Variants in AKAP7 observed in about 807,000 individuals in gnomAD.
The protein encoded by AKAP7 is A kinase (PRKA) anchor protein 7.
A neutral mutation model predicts 39.5 loss-of-function variants in AKAP7; 39 were observed. The observed-to-expected ratio is 0.99, with a 90% CI of 0.76 to 1.29. AKAP7 has a LOEUF of 1.29. AKAP7 is among the 50% of genes most tolerant of loss of function. The pLI, the probability that AKAP7 is intolerant of heterozygous loss-of-function variation, is 0.00. For synonymous variants in AKAP7, 140 were observed against 139.1 expected (o/e 1.01, Z -0.05); for missense variants, 414 against 407.7 (o/e 1.02, Z -0.13).
intron 7 of AKAP7, chr6:131,253,073 G>C (rs766865016): frequency 2.8e-5 from 45 of 1,613,514 alleles, no homozygotes; most frequent in Non-Finnish European, 3.7e-5. Flanking sequence ...GTCCTACAGA[G>C]ATACAGCAAG....
intron 5 of AKAP7, among the ~76,000 whole-genome samples, chr6:131,178,504 C>T (rs1202870364): frequency 2.6e-5 from 4 of 152,182 alleles, no homozygotes; most frequent in Non-Finnish European, 4.4e-5. Flanking sequence ...ATCCTACACC[C>T]ATACACCACT....
chr6:131,241,627 G>GTGTGTGTA, intron 7 of AKAP7, among the ~76,000 whole-genome samples: 5 of 86,636 alleles, frequency 5.8e-5, no homozygotes, highest in African/African-American at 1.0e-4. Context: ...GTGTGTGTGT[G>GTGTGTGTA]TATATATATA....
intron 7 of AKAP7, among the ~76,000 whole-genome samples, chr6:131,230,776 A>G (rs1040573767): frequency 6.6e-6 from 1 of 152,194 alleles, no homozygotes; most frequent in Admixed American, 6.5e-5. Context: ...TAGATCAAGA[A>G]TGTAGAGTAT....
At chr6:131,193,137 G>T (rs540280387) in intron 5 of AKAP7, among the ~76,000 whole-genome samples, 111 of 152,102 alleles carry the variant, frequency 7.3e-4, no homozygotes, top group African/African-American at 2.5e-3. Flanking sequence ...GGTGAAAGTG[G>T]GTATCCTTGT....
At chr6:131,261,111 G>A (rs552258322) in intron 7 of AKAP7, among the ~76,000 whole-genome samples, 19 of 151,600 alleles carry the variant, frequency 1.3e-4, no homozygotes, top group Admixed American at 3.3e-4. Flanking sequence ...CAGGAGAATC[G>A]CTTGAACCCA....
chr6:131,206,588 G>C (rs984061776), intron 6 of AKAP7, among the ~76,000 whole-genome samples: 2 of 152,156 alleles, frequency 1.3e-5, no homozygotes, highest in Admixed American at 6.5e-5. Flanking sequence ...TCCAGTTCCT[G>C]AATTGTTTGG....
chr6:131,241,613 G>GTATATATACGTATATATATATATA (rs1444377533), intron 7 of AKAP7, among the ~76,000 whole-genome samples: 3 of 102,442 alleles, frequency 2.9e-5, no homozygotes, highest in African/African-American at 6.9e-5. Context: ...GTGTGTGTGT[G>GTATATATACGTATATATATATATA]TGTGTGTGTG....
At chr6:131,207,954 G>T (rs1808288450) in intron 6 of AKAP7, among the ~76,000 whole-genome samples, 1 of 152,050 alleles carries the variant, frequency 6.6e-6, no homozygotes, top group Admixed American at 6.6e-5. Flanking sequence ...AACTATTTTT[G>T]AATCTCCCGG....
At chr6:131,191,839 C>T (rs546517203) in intron 5 of AKAP7, among the ~76,000 whole-genome samples, 12 of 148,912 alleles carry the variant, frequency 8.1e-5, no homozygotes, top group Admixed American at 3.4e-4. Flanking sequence ...CTCTGGTCCT[C>T]GTGGTGTTTT....
chr6:131,160,164 AC>A lies in AKAP7; in HGVS notation c.258del (p.Tyr87IlefsTer13). Reference sequence around the variant, plus strand: ...AAAAAGAGAAAAGATTATCAACCCAACTATTTCCTGTCCATTCCAATCACCA... The same window carrying A: ...AAAAAGAGAAAAGATTATCAACCCAATATTTCCTGTCCATTCCAATCACCA... ...RKKKRKDYQP[N>X]YFLSIPITNK... On this transcript the variant is annotated frameshift_variant, in exon 3 of 8. Coordinates refer to ENST00000431975, the MANE Select transcript of AKAP7 (RefSeq NM_016377.4). LOFTEE classifies it high-confidence loss of function. The A allele has an allele frequency of 6.2e-7, 1 of 1,611,962 alleles. No homozygotes were observed. The highest frequency in any genetic ancestry group is 8.5e-7 in the Non-Finnish European group (1 of 1,179,526).
chr6:131,229,306 G>C (rs1282771023), intron 7 of AKAP7, among the ~76,000 whole-genome samples: 1 of 152,112 alleles, frequency 6.6e-6, no homozygotes. Flanking sequence ...GCTTGACAGA[G>C]CACACAGTAG....
Position 131,202,362 on chromosome 6 carries a change from A to G in AKAP7, c.702+2789A>G, listed in dbSNP as rs1211289887. 1.9e-4 allele frequency among the ~76,000 whole-genome samples: 28 copies of G among 145,034 alleles called. No individual in the cohort carries two copies. The East Asian group carries it at 4.4e-3, about 23-fold the overall frequency. ...ATAGCAAAGACTTGGAACCAACCCA[A>G]ATGTCCAACAATGATAGACTGGATT... On this transcript the variant is annotated intron_variant, in intron 6 of 7. Coordinates refer to ENST00000431975, the MANE Select transcript of AKAP7 (RefSeq NM_016377.4).
Position 131,282,218 on chromosome 6 carries a change from TG to T in AKAP7, c.*493del, listed in dbSNP as rs1815257761. 3.0e-6 allele frequency: 4 copies of T among 1,319,532 alleles called. No homozygotes were observed. Among genetic ancestry groups the T allele is most frequent in the Non-Finnish European group, 3.8e-6 (4 of 1,041,938 alleles). The allele number at this position is 1,319,532 out of a possible 1,614,324, so 81.7% of individuals were successfully genotyped here. A position where few individuals can be genotyped will look rare whatever the true frequency, so the allele number is the denominator to read the frequency against. ...TTCATGTTTGTCCTAAGTGTGCTGT[TG>T]CTATGCAGTGTGATCTTTATTTATA... On this transcript the variant is annotated 3_prime_UTR_variant, in exon 8 of 8. Coordinates refer to ENST00000431975, the MANE Select transcript of AKAP7 (RefSeq NM_016377.4).
chr6:131,209,244 C>G (rs1269810750), intron 6 of AKAP7, among the ~76,000 whole-genome samples: 1 of 151,684 alleles, frequency 6.6e-6, no homozygotes, highest in East Asian at 1.9e-4. Context: ...TACAGATAAG[C>G]ATCTGATTTT....
At chr6:131,203,307 A>C (rs1020235035) in intron 6 of AKAP7, among the ~76,000 whole-genome samples, 1 of 152,088 alleles carries the variant, frequency 6.6e-6, no homozygotes, top group African/African-American at 2.4e-5. Context: ...ATTTTCTTCT[A>C]GATTTTTGTT....
chr6:131,266,172 C>T (rs1036304566), intron 7 of AKAP7, among the ~76,000 whole-genome samples: 3 of 152,068 alleles, frequency 2.0e-5, no homozygotes, highest in African/African-American at 7.2e-5. Flanking sequence ...TGTCTCTGAC[C>T]TCCTCCTTCT....
intron 2 of AKAP7, among the ~76,000 whole-genome samples, chr6:131,153,648 A>G (rs1240786685): frequency 6.6e-6 from 1 of 152,202 alleles, no homozygotes; most frequent in African/African-American, 2.4e-5. Context: ...TAGGTAAGGT[A>G]GAAAACAACG....
intron 7 of AKAP7, among the ~76,000 whole-genome samples, chr6:131,274,876 T>G (rs1422466674): frequency 1.3e-5 from 2 of 152,108 alleles, no homozygotes; most frequent in Admixed American, 6.6e-5. Context: ...CTCTCCATCA[T>G]CCCTGTCGCC....
chr6:131,162,374 C>T (rs1803055218), intron 3 of AKAP7, among the ~76,000 whole-genome samples: 1 of 150,898 alleles, frequency 6.6e-6, no homozygotes, highest in Non-Finnish European at 1.5e-5. Flanking sequence ...TGTGTAGATG[C>T]TGGAAAGAGT....
Sources: gnomAD v4.1 joint callset for allele counts (sites outside exome capture counted in the v4.1 genomes callset) on GRCh38, gnomAD v4.1.1 for gene constraint, MANE v1.5 for transcripts, NCBI Gene and HGNC (gene_info 2026-07-23, HGNC 2026-07-21) for gene names.